The following BRCA1 variants were observed in gnomAD, a reference collection of about 807,000 sequenced individuals.
The protein encoded by BRCA1 is BRCA1 DNA repair associated, also known as breast cancer type 1 susceptibility protein.
A neutral mutation model predicts 173.7 loss-of-function variants in BRCA1; 140 were observed. The ratio of observed to expected loss-of-function variants is 0.81; its 90% CI spans 0.70 to 0.93. BRCA1 has a LOEUF of 0.93. Among genes scored for constraint, BRCA1 ranks in the 40% least tolerant of loss-of-function variants. BRCA1 has a pLI of 0.00. For synonymous variants in BRCA1, 662 were observed against 756.0 expected (o/e 0.88, Z 2.04); for missense variants, 1,983 against 2,172.5 (o/e 0.91, Z 1.73).
At chr17:43,107,054 C>T (rs776235719) in intron 3 of BRCA1, among the ~76,000 whole-genome samples, 9 of 147,704 alleles carry the variant, frequency 6.1e-5, no homozygotes, top group Non-Finnish European at 1.3e-4. Context: ...ATAATAAATA[C>T]CAAGACAATT....
intron 21 of BRCA1, 39 bp downstream of exon 21, chr17:43,049,082 A>G: frequency 6.3e-7 from 1 of 1,585,316 alleles, no homozygotes; most frequent in Non-Finnish European, 8.7e-7. Context: ...AGGAGAGAAT[A>G]TTGTGTCCTC....
chr17:43,130,850 C>G (rs1406355628), intron 1 of BRCA1, among the ~76,000 whole-genome samples: 2 of 152,222 alleles, frequency 1.3e-5, no homozygotes, highest in African/African-American at 2.4e-5. Context: ...CACACACATA[C>G]ACACAATTTG....
intron 1 of BRCA1, among the ~76,000 whole-genome samples, chr17:43,156,743 T>C (rs1431256442): frequency 6.6e-6 from 1 of 152,212 alleles, no homozygotes; most frequent in African/African-American, 2.4e-5. Flanking sequence ...ACTGACTCAA[T>C]TCTGAAATAA....
chr17:43,159,086 AAC>A (rs544789525), intron 1 of BRCA1, among the ~76,000 whole-genome samples: 3 of 151,260 alleles, frequency 2.0e-5, no homozygotes, highest in Admixed American at 6.6e-5. Flanking sequence ...CACACACACA[AAC>A]ACACACACAC....
intron 1 of BRCA1, among the ~76,000 whole-genome samples, chr17:43,135,738 G>C (rs577407256): frequency 6.6e-6 from 1 of 152,212 alleles, no homozygotes; most frequent in Non-Finnish European, 1.5e-5. Context: ...CACTCTTCTC[G>C]AATGGGGGTG....
chr17:43,164,568 T>C (rs1214750290), intron 1 of BRCA1: 1 of 152,242 alleles, frequency 6.6e-6, no homozygotes, highest in Admixed American at 6.5e-5. Context: ...ATAGAATAGA[T>C]GAAAAGAGAT....
chr17:43,106,489 T>G lies in BRCA1; in HGVS notation c.179A>C (p.Gln60Pro), dbSNP rs373655067. The change falls in exon 4 of 23, where the codon CAG (glutamine) becomes CCG (proline). Residue 60 changes from glutamine (Q) to proline (P), a missense_variant. Coordinates refer to ENST00000357654, the MANE Select transcript of BRCA1 (RefSeq NM_007294.4). ...KLLNQKKGPS[Q>P]CPLCKNDITK... ...TATATCATTCTTACATAAAGGACAC[T>G]GTGAAGGCCCTTTCTTCTGGTTGAG... The G allele has an allele frequency of 1.2e-6, 2 of 1,604,960 alleles. No homozygotes were observed.
At position 43,092,997 on chromosome 17, in the gene BRCA1, A is replaced by G. The variant is rs397508976; in HGVS notation, c.2534T>C (p.Ile845Thr). Residue 845 changes from isoleucine (I) to threonine (T), a missense_variant, in exon 10 of 23, where the codon ATA (isoleucine) becomes ACA (threonine). Transcript: ENST00000357654. ...HEVNHSRETS[I>T]EMEESELDAQ... ...ATCAAGTTCACTTTCTTCCATTTCTATGCTTGTTTCCCGACTGTGGTTAAC... is the reference window on the plus strand; with the variant it reads ...ATCAAGTTCACTTTCTTCCATTTCTGTGCTTGTTTCCCGACTGTGGTTAAC... 6.2e-7 allele frequency: 1 copy of G among 1,613,602 alleles called. No homozygotes were observed. Among genetic ancestry groups the G allele is most frequent in the Non-Finnish European group, 8.5e-7 (1 of 1,179,706 alleles).
chr17:43,130,563 C>T (rs911162609), intron 1 of BRCA1, among the ~76,000 whole-genome samples: 2 of 152,190 alleles, frequency 1.3e-5, no homozygotes, highest in Non-Finnish European at 2.9e-5. Context: ...ATCTGCCTGC[C>T]TCTGCTTCCC....
chr17:43,092,172 A>T lies in BRCA1; in HGVS notation c.3359T>A (p.Val1120Asp), dbSNP rs1361427704. ...CAGATATGGAGAGAAATCTGTATTA[A>T]CAGTCTGAACTACTTCTTCATATTC... ...KQEYEEVVQTVNTDFSPYLIS... is the reference protein window; with the variant it reads ...KQEYEEVVQTDNTDFSPYLIS... The change falls in exon 10 of 23, where the codon GTT becomes GAT. Residue 1120 changes from valine to aspartate, a missense_variant. Val to Asp is a radical substitution (Grantham distance 152). Transcript: ENST00000357654. 5 of 1,613,232 alleles carry T rather than the reference A, an allele frequency of 3.1e-6. No homozygotes were observed. The highest frequency in any genetic ancestry group is 4.2e-6 in the Non-Finnish European group (5 of 1,179,898).
At chr17:43,051,834 A>G (rs1373912253) in intron 19 of BRCA1, among the ~76,000 whole-genome samples, 1 of 151,886 alleles carries the variant, frequency 6.6e-6, no homozygotes, top group East Asian at 1.9e-4. Context: ...ACAGGGTTTC[A>G]CCATGTTGGT....
chr17:43,108,335 C>CAA lies in BRCA1; in HGVS notation c.135-1804_135-1803dup, dbSNP rs34608699. On this transcript the variant is annotated intron_variant, in intron 3 of 22. Transcript: ENST00000357654. ...CCTGGGCAACAGAGTGAGATTGTGC[C>CAA]AAAAAAAAAAAAAAGGCATTGGGAA... Among the ~76,000 whole-genome samples the CAA allele has an allele frequency of 3.1e-3, 381 of 121,238 alleles. 2 individuals are homozygous for CAA. Among genetic ancestry groups the CAA allele is most frequent in the South Asian group, 0.026 (105 of 4,042 alleles). The allele number at this position is 121,238 out of a possible 152,430, so 79.5% of individuals were successfully genotyped here.
At position 43,144,854 on chromosome 17, in the gene BRCA1, G is replaced by A. The variant is rs1425361668; in HGVS notation, c.-19-20739C>T. On this transcript the variant is annotated intron_variant, in intron 1 of 7. Transcript: ENST00000634433. ...TGGCCAACATAGCGAGAGCAGCTCCGGTGGCGGGAGGAGTGGCAGCGGCCA... is the reference window on the plus strand; with the variant it reads ...TGGCCAACATAGCGAGAGCAGCTCCAGTGGCGGGAGGAGTGGCAGCGGCCA... 10 of 501,950 alleles carry A rather than the reference G, an allele frequency of 2.0e-5. No individual in the cohort carries two copies. The East Asian group carries it at 2.1e-4, about 11-fold the overall frequency. 31.1% of individuals were successfully genotyped at this position (501,950 alleles called of 1,614,324 possible).
intron 15 of BRCA1, 43 bp from the exon 16 acceptor site, chr17:43,067,738 G>T (rs765728864): frequency 1.4e-6 from 2 of 1,472,062 alleles, no homozygotes; most frequent in Non-Finnish European, 1.9e-6. Context: ...GTTACCTCTA[G>T]CACACAGCTC....
intron 18 of BRCA1, 100 bp downstream of exon 18, chr17:43,063,233 T>C: frequency 1.0e-6 from 1 of 976,700 alleles, no homozygotes; most frequent in Non-Finnish European, 1.6e-6. Flanking sequence ...AATTTGTGCA[T>C]TGTTAAGGAA....
intron 1 of BRCA1, 192 bp downstream of exon 1, chr17:43,125,079 G>T: frequency 4.6e-6 from 2 of 435,048 alleles, no homozygotes; most frequent in Non-Finnish European, 9.3e-6. Flanking sequence ...CCCCCTTCCT[G>T]ATCCTCAGCG....
intron 16 of BRCA1, among the ~76,000 whole-genome samples, chr17:43,065,251 C>T (rs927875869): frequency 1.3e-5 from 2 of 152,162 alleles, no homozygotes; most frequent in African/African-American, 4.8e-5. Context: ...CTCCAATGAA[C>T]ACTACCCTCT....
At chr17:43,118,827 G>T (rs574256555) in intron 2 of BRCA1, among the ~76,000 whole-genome samples, 1 of 150,362 alleles carries the variant, frequency 6.7e-6, no homozygotes, top group South Asian at 2.1e-4. Context: ...GCAGTGGTGT[G>T]GTCTTGGCTC....
At position 43,093,601 on chromosome 17, in the gene BRCA1, A is replaced by T. The variant is rs753521391; in HGVS notation, c.1930T>A (p.Cys644Ser). 5.0e-6 allele frequency: 8 copies of T among 1,614,044 alleles called. 1 individual carries two copies. The East Asian group carries it at 1.8e-4, about 36-fold the overall frequency. The stretch of plus-strand genomic sequence containing the variant: ...TTCTTTATCTCTTCACTGCTAGAAC[A>T]ACTATCAATTTGCAATTCAGTACAA... ...PNCTELQIDS[C>S]SSSEEIKKKK... The change falls in exon 10 of 23, where the codon TGT becomes AGT. Residue 644 changes from cysteine (C) to serine (S), a missense_variant. Coordinates refer to ENST00000357654, the MANE Select transcript of BRCA1 (RefSeq NM_007294.4).
Sources: gnomAD v4.1 joint callset for allele counts (sites outside exome capture counted in the v4.1 genomes callset) on GRCh38, gnomAD v4.1.1 for gene constraint, MANE v1.5 for transcripts, NCBI Gene and HGNC (gene_info 2026-07-23, HGNC 2026-07-21) for gene names.